The following RIMBP2 variants were observed in gnomAD, a reference collection of about 807,000 sequenced individuals.
RIMBP2 encodes RIMS binding protein 2.
Under a neutral mutation model 118.6 loss-of-function variants are expected in RIMBP2, and 48 were observed. That is an observed-to-expected ratio of 0.40 (90% confidence interval 0.32 to 0.51). RIMBP2 has a LOEUF of 0.51. RIMBP2 is among the 20% of genes least tolerant of loss of function. The probability of loss-of-function intolerance (pLI) is 0.41; values close to 1 mark genes in which losing one functional copy is unlikely to be tolerated. For synonymous variants in RIMBP2, 762 were observed against 742.9 expected (o/e 1.03, Z -0.42); for missense variants, 1,551 against 1,768.3 (o/e 0.88, Z 2.20).
At chr12:130,573,354 T>C (rs2057832765) in intron 2 of RIMBP2, among the ~76,000 whole-genome samples, 1 of 152,046 alleles carries the variant, frequency 6.6e-6, no homozygotes, top group Non-Finnish European at 1.5e-5. Flanking sequence ...TGTTCTTTAC[T>C]GTTAGTATGA....
At chr12:130,674,575 G>A (rs117195141) in intron 1 of RIMBP2, among the ~76,000 whole-genome samples, 8 of 152,250 alleles carry the variant, frequency 5.3e-5, no homozygotes, top group Non-Finnish European at 7.3e-5. Context: ...CATCCCTAAC[G>A]TGATCCTTTA....
chr12:130,670,242 G>A lies in RIMBP2; in HGVS notation c.-351-41786C>T, dbSNP rs550144884. Among the ~76,000 whole-genome samples the A allele has an allele frequency of 1.1e-3, 161 of 152,004 alleles. 1 individual carries two copies. The highest frequency in any genetic ancestry group is 5.5e-3 in the Admixed American group (84 of 15,270). On this transcript the variant is annotated intron_variant, in intron 1 of 22. Coordinates refer to ENST00000690449, the MANE Select transcript of RIMBP2 (RefSeq NM_001393629.1). The surrounding 1 kb of genome is among the most constrained non-coding windows in gnomAD (Gnocchi z 4.9). ...ACAGCCCCGCCGACACCATGATCCC[G>A]GCCCCAGGACCTCAGACTTCCGATC...
At chr12:130,677,456 C>A (rs1293080807) in intron 1 of RIMBP2, among the ~76,000 whole-genome samples, 1 of 152,046 alleles carries the variant, frequency 6.6e-6, no homozygotes, top group African/African-American at 2.4e-5. Context: ...GGCGAAACCC[C>A]ATCTCTACTA....
rs532785164 is a variant in RIMBP2 at position 130,705,019 on chromosome 12, C to A, written c.-352+11203G>T. Among the ~76,000 whole-genome samples the A allele has an allele frequency of 3.9e-5, 6 of 152,302 alleles. No individual in the cohort carries two copies. The East Asian group carries it at 9.6e-4, about 24-fold the overall frequency. On this transcript the variant is annotated intron_variant, in intron 1 of 22. Coordinates refer to ENST00000690449, the MANE Select transcript of RIMBP2 (RefSeq NM_001393629.1). ...ATCTCTTCTCTCATAGATCTAGAGG[C>A]CAGAAGCCCAGAAGCCGGGGTGGCA... is the stretch of plus-strand genomic sequence containing the variant.
intron 1 of RIMBP2, among the ~76,000 whole-genome samples, chr12:130,640,370 C>T: frequency 6.6e-6 from 1 of 152,334 alleles, no homozygotes; most frequent in South Asian, 2.1e-4. Context: ...TGGAACCTTC[C>T]ATCACAGATT....
At position 130,431,676 on chromosome 12, in the gene RIMBP2, G is replaced by A. The variant is rs1239411061; in HGVS notation, c.2253+3058C>T. 1 of 155,244 alleles carries A rather than the reference G, an allele frequency of 6.4e-6. No homozygotes were observed. Among genetic ancestry groups the A allele is most frequent in the Non-Finnish European group, 1.4e-5 (1 of 70,758 alleles). 9.6% of individuals were successfully genotyped at this position (155,244 alleles called of 1,614,324 possible). The stretch of plus-strand genomic sequence containing the variant: ...CGCTTTTTAAATTTTAATAGAAACA[G>A]ACCTGTTTGCTCTGTTAAAAAACAA... On this transcript the variant is annotated intron_variant, in intron 14 of 22. Coordinates refer to ENST00000690449, the MANE Select transcript of RIMBP2 (RefSeq NM_001393629.1). This position sits in a 1 kb window ranked among gnomAD's most constrained non-coding sequence, Gnocchi z 4.0.
intron 19 of RIMBP2, among the ~76,000 whole-genome samples, chr12:130,410,067 T>C (rs998683334): frequency 2.0e-5 from 3 of 152,346 alleles, no homozygotes; most frequent in African/African-American, 7.2e-5. Context: ...CGGCCAGCCG[T>C]TTTAATCTTA....
chr12:130,396,134 T>G lies in RIMBP2; in HGVS notation c.*1227A>C, dbSNP rs2074058637. 1 of 152,672 alleles carries G rather than the reference T, an allele frequency of 6.5e-6. No homozygotes were observed. The highest frequency in any genetic ancestry group is 2.4e-5 in the African/African-American group (1 of 41,470). The allele number at this position is 152,672 out of a possible 1,614,324, so 9.5% of individuals were successfully genotyped here. On this transcript the variant is annotated 3_prime_UTR_variant, in exon 23 of 23. Coordinates refer to ENST00000690449, the MANE Select transcript of RIMBP2 (RefSeq NM_001393629.1). ...TTAAAACAAAGAGAATAAACAGTGT[T>G]GTATAAAATAACAAATTTTATTTCT...
intron 1 of RIMBP2, among the ~76,000 whole-genome samples, chr12:130,699,168 G>A (rs561132835): frequency 1.1e-4 from 17 of 152,292 alleles, no homozygotes; most frequent in Admixed American, 5.9e-4. Flanking sequence ...AAGTCAGTGT[G>A]GCAATTCCTC....
At chr12:130,604,122 C>T (rs868673966) in intron 2 of RIMBP2, among the ~76,000 whole-genome samples, 3 of 151,910 alleles carry the variant, frequency 2.0e-5, no homozygotes, top group South Asian at 2.1e-4. Context: ...CTAATGTGTG[C>T]GTTTGTGTCT....
chr12:130,678,724 G>A (rs1424823128), intron 1 of RIMBP2, among the ~76,000 whole-genome samples: 1 of 152,160 alleles, frequency 6.6e-6, no homozygotes, highest in East Asian at 1.9e-4. Context: ...CACCATCTTG[G>A]CCAGGCTGGT....
intron 1 of RIMBP2, among the ~76,000 whole-genome samples, chr12:130,705,272 C>T (rs1339231551): frequency 6.6e-6 from 1 of 152,174 alleles, no homozygotes; most frequent in Non-Finnish European, 1.5e-5. Context: ...TTAATATTCC[C>T]ACTGGTGAAA....
Position 130,674,708 on chromosome 12 carries a change from T to G in RIMBP2, c.-352+41514A>C, listed in dbSNP as rs142663667. ...TTATGTGACCATCACCATTGCCTAG[T>G]TCCAAAACCTTCTTATCACCCCAAG... On this transcript the variant is annotated intron_variant, in intron 1 of 22. Coordinates refer to ENST00000690449, the MANE Select transcript of RIMBP2 (RefSeq NM_001393629.1). Among the ~76,000 whole-genome samples, 633 of 152,294 alleles carry G rather than the reference T, an allele frequency of 4.2e-3. 5 individuals are homozygous for G. The highest frequency in any genetic ancestry group is 0.014 in the African/African-American group (600 of 41,560).
intron 2 of RIMBP2, among the ~76,000 whole-genome samples, chr12:130,577,690 C>T (rs1450214941): frequency 6.6e-6 from 1 of 151,814 alleles, no homozygotes; most frequent in Non-Finnish European, 1.5e-5. Flanking sequence ...ACTATATCAG[C>T]CACGTTATTG....
intron 1 of RIMBP2, among the ~76,000 whole-genome samples, chr12:130,702,616 A>G (rs900959635): frequency 1.3e-5 from 2 of 152,114 alleles, no homozygotes; most frequent in Admixed American, 6.6e-5. Flanking sequence ...GGAAGGAACC[A>G]CATGTAAGAT....
chr12:130,460,646 TCA>T (rs1348755246), intron 6 of RIMBP2, among the ~76,000 whole-genome samples: 1 of 152,114 alleles, frequency 6.6e-6, no homozygotes, highest in Admixed American at 6.5e-5. Context: ...TCCTTCACAG[TCA>T]CAGTTTGGTG....
rs1178854342 is a variant in RIMBP2 at position 130,446,855 on chromosome 12, G to C, written c.582-1586C>G. On this transcript the variant is annotated intron_variant, in intron 9 of 22. Coordinates refer to ENST00000690449, the MANE Select transcript of RIMBP2 (RefSeq NM_001393629.1). This position sits in a 1 kb window ranked among gnomAD's most constrained non-coding sequence, Gnocchi z 4.1. ...GATGGAGCTTGGTGGAGGAGTTCCA[G>C]CAAAGGAGTTTGGTCGGGGAGTGAC... Among the ~76,000 whole-genome samples, 1 of 151,808 alleles carries C rather than the reference G, an allele frequency of 6.6e-6. No homozygotes were observed.
At chr12:130,519,529 T>C (rs575853896) in intron 2 of RIMBP2, among the ~76,000 whole-genome samples, 7 of 152,332 alleles carry the variant, frequency 4.6e-5, no homozygotes, top group African/African-American at 1.7e-4. Flanking sequence ...CTTTCTCAAG[T>C]AAAGCAGATC....
intron 1 of RIMBP2, among the ~76,000 whole-genome samples, chr12:130,634,167 C>T (rs1380046103): frequency 1.3e-5 from 2 of 152,162 alleles, no homozygotes; most frequent in Admixed American, 6.5e-5. Flanking sequence ...CTCTTCCCCC[C>T]GAATCTCCCC....
Sources: gnomAD v4.1 joint callset for allele counts (sites outside exome capture counted in the v4.1 genomes callset) on GRCh38, gnomAD v4.1.1 for gene constraint, Gnocchi (gnomAD v3.1) non-coding constraint, MANE v1.5 for transcripts, NCBI Gene and HGNC (gene_info 2026-07-23, HGNC 2026-07-21) for gene names.